SNTG1: variants seen among roughly 807,000 people sequenced by gnomAD.
SNTG1 encodes the protein syntrophin gamma 1, also known as gamma-1-syntrophin.
In SNTG1, 39 loss-of-function variants were observed where a neutral mutation model predicts 74.7. That is an observed-to-expected ratio of 0.52 (90% CI 0.40 to 0.68). SNTG1 has a LOEUF of 0.68. Ranked by LOEUF, SNTG1 falls within the 30% of genes least tolerant of loss-of-function variation. The pLI is 0.00. For missense variants in SNTG1, 685 were observed against 609.5 expected (o/e 1.12, Z -1.30); for synonymous variants, 254 against 217.1 (o/e 1.17, Z -1.49).
intron 1 of SNTG1, among the ~76,000 whole-genome samples, chr8:49,929,778 C>A (rs532262990): frequency 4.2e-4 from 64 of 151,832 alleles, no homozygotes; most frequent in African/African-American, 1.5e-3. Context: ...AGGTTAGTTA[C>A]ATATGTATAC....
At chr8:50,792,474 C>T (rs2095693807) in intron 18 of SNTG1, among the ~76,000 whole-genome samples, 197 bp from the exon 19 acceptor site, 1 of 151,676 alleles carries the variant, frequency 6.6e-6, no homozygotes, top group Admixed American at 6.6e-5. Context: ...TCTTATCCAC[C>T]ATGTATTGAA....
intron 1 of SNTG1, among the ~76,000 whole-genome samples, chr8:50,154,591 G>A (rs1416658136): frequency 6.6e-6 from 1 of 152,172 alleles, no homozygotes; most frequent in Non-Finnish European, 1.5e-5. Flanking sequence ...AATAAGTCCT[G>A]TCGTTCCTCA....
intron 1 of SNTG1, among the ~76,000 whole-genome samples, chr8:50,084,004 C>A (rs973022512): frequency 6.6e-6 from 1 of 152,122 alleles, no homozygotes; most frequent in African/African-American, 2.4e-5. Flanking sequence ...ATTCTGAGTT[C>A]TTCATTCTTT....
intron 1 of SNTG1, among the ~76,000 whole-genome samples, chr8:50,158,790 G>C (rs2082327243): frequency 6.6e-6 from 1 of 152,088 alleles, no homozygotes; most frequent in African/African-American, 2.4e-5. Flanking sequence ...CATTCTGGTA[G>C]GCCTTGATGC....
At chr8:50,200,421 C>T (rs1005714756) in intron 2 of SNTG1, among the ~76,000 whole-genome samples, 2 of 152,064 alleles carry the variant, frequency 1.3e-5, no homozygotes, top group African/African-American at 4.8e-5. Flanking sequence ...GACGTTGATT[C>T]CTTGGGTTGT....
At chr8:50,659,062 G>T (rs2095202362) in intron 15 of SNTG1, among the ~76,000 whole-genome samples, 1 of 151,986 alleles carries the variant, frequency 6.6e-6, no homozygotes. Context: ...GGTGAGACCT[G>T]GAATTAGAAA....
chr8:50,630,748 A>C (rs1395579263), intron 13 of SNTG1, among the ~76,000 whole-genome samples: 1 of 152,186 alleles, frequency 6.6e-6, no homozygotes, highest in Admixed American at 6.5e-5. Context: ...AAGACAGATG[A>C]AGAACAGTGA....
At chr8:50,359,192 G>T (rs1345596509) in intron 2 of SNTG1, among the ~76,000 whole-genome samples, 7 of 152,126 alleles carry the variant, frequency 4.6e-5, no homozygotes. Context: ...CATTTATTCT[G>T]CTTTGTGCTC....
At chr8:50,404,567 C>A (rs924752318) in intron 4 of SNTG1, among the ~76,000 whole-genome samples, 6 of 151,612 alleles carry the variant, frequency 4.0e-5, no homozygotes, top group East Asian at 1.9e-4. Flanking sequence ...TCAGGCATAG[C>A]AATCAGTGGA....
At position 50,457,780 on chromosome 8, in the gene SNTG1, G is replaced by A. The variant is rs1460236933; in HGVS notation, c.363+7051G>A. The A allele has an allele frequency of 2.0e-5, 3 of 152,280 alleles. 1 individual carries two copies. The highest frequency in any genetic ancestry group is 1.3e-4 in the Admixed American group (2 of 15,280). The allele number at this position is 152,280 out of a possible 1,614,324, so 9.4% of individuals were successfully genotyped here. ...GGGAGTGTTGAAAGGAAGGGTTGAA[G>A]AGGTGTAGCCAAGAACAGGCAATCG... On this transcript the variant is annotated intron_variant, in intron 8 of 18. Coordinates refer to ENST00000642720, the MANE Select transcript of SNTG1 (RefSeq NM_018967.5).
chr8:50,545,563 G>T (rs993550477), intron 11 of SNTG1, among the ~76,000 whole-genome samples: 2 of 149,662 alleles, frequency 1.3e-5, no homozygotes, highest in Non-Finnish European at 3.0e-5. Context: ...CATACTTTAT[G>T]GCTGAAAGTA....
At chr8:49,951,055 A>G (rs2129390982) in intron 1 of SNTG1, among the ~76,000 whole-genome samples, 1 of 152,338 alleles carries the variant, frequency 6.6e-6, no homozygotes, top group African/African-American at 2.4e-5. Flanking sequence ...TTGGCAGAGA[A>G]TTTTGAATTA....
chr8:50,391,070 T>G (rs905212815), intron 2 of SNTG1, among the ~76,000 whole-genome samples: 1 of 152,076 alleles, frequency 6.6e-6, no homozygotes, highest in African/African-American at 2.4e-5. Flanking sequence ...ATTTCTTTCT[T>G]CTGTCTGATT....
intron 12 of SNTG1, among the ~76,000 whole-genome samples, chr8:50,553,626 A>G (rs1329027327): frequency 6.6e-6 from 1 of 152,166 alleles, no homozygotes; most frequent in Non-Finnish European, 1.5e-5. Flanking sequence ...ATTGTCTCAC[A>G]TTAGATAGAG....
intron 17 of SNTG1, among the ~76,000 whole-genome samples, chr8:50,717,040 C>G (rs2095476851): frequency 6.6e-6 from 1 of 152,092 alleles, no homozygotes; most frequent in Admixed American, 6.6e-5. Context: ...CCAGCTCTTA[C>G]TCATTTCTTG....
chr8:50,302,337 T>C (rs1010900895), intron 2 of SNTG1, among the ~76,000 whole-genome samples: 2 of 152,122 alleles, frequency 1.3e-5, no homozygotes, highest in African/African-American at 4.8e-5. Flanking sequence ...GTTTCATCAA[T>C]GTTGTGACAT....
chr8:50,315,247 A>T (rs1407739044), intron 2 of SNTG1, among the ~76,000 whole-genome samples: 1 of 149,598 alleles, frequency 6.7e-6, no homozygotes, highest in Non-Finnish European at 1.5e-5. Flanking sequence ...ATGCAATTCA[A>T]TTTTATTTCC....
intron 1 of SNTG1, among the ~76,000 whole-genome samples, chr8:49,918,547 A>G (rs1365159756): frequency 2.0e-5 from 3 of 152,282 alleles, no homozygotes; most frequent in African/African-American, 7.2e-5. Context: ...TATTTTTTAC[A>G]TTTCATCAGC....
At chr8:50,250,656 A>G (rs555229848) in intron 2 of SNTG1, among the ~76,000 whole-genome samples, 1 of 152,138 alleles carries the variant, frequency 6.6e-6, no homozygotes, top group African/African-American at 2.4e-5. Context: ...AAAATTGATG[A>G]CATACTACAA....
Sources: allele counts gnomAD v4.1 joint callset (sites outside exome capture counted in the v4.1 genomes callset), GRCh38; gene constraint gnomAD v4.1.1; transcripts MANE v1.5; gene names NCBI Gene and HGNC (gene_info 2026-07-23, HGNC 2026-07-21).